The following LRCH3 variants were observed in gnomAD, a reference collection of about 807,000 sequenced individuals.
The protein encoded by LRCH3 is DISP complex protein LRCH3.
In LRCH3, 68 loss-of-function variants were observed where a neutral mutation model predicts 104.5. That is an observed-to-expected ratio of 0.65 (90% CI 0.54 to 0.80). The LOEUF (loss-of-function observed/expected upper bound fraction) is 0.80. LRCH3 is among the 30% of genes least tolerant of loss of function. The pLI is 0.00. For missense variants in LRCH3, 951 were observed against 953.9 expected, an observed-to-expected ratio of 1.00 and a Z score of 0.04; for synonymous variants, 344 against 361.3, an observed-to-expected ratio of 0.95 and a Z score of 0.54.
At chr3:197,853,572 C>T (rs547873636) in intron 13 of LRCH3, among the ~76,000 whole-genome samples, 22 of 152,274 alleles carry the variant, frequency 1.4e-4, no homozygotes, top group African/African-American at 4.3e-4. Context: ...CTTTGCTTTT[C>T]ATAAAATAAG....
chr3:197,818,207 C>T (rs1361786730), intron 3 of LRCH3, among the ~76,000 whole-genome samples: 2 of 152,152 alleles, frequency 1.3e-5, no homozygotes, highest in Non-Finnish European at 2.9e-5. Flanking sequence ...ATGGGAATAA[C>T]AATTTTCTCA....
In LRCH3 at chr3:197,811,139, G is replaced by A. The variant is rs546732671; in HGVS notation, c.263-3769G>A. Among the ~76,000 whole-genome samples, 16 of 152,256 alleles carry A rather than the reference G, an allele frequency of 1.1e-4. No individual in the cohort carries two copies. The East Asian group carries it at 1.5e-3, about 15-fold the overall frequency. On this transcript the variant is annotated intron_variant, in intron 1 of 20. Coordinates refer to ENST00000425562, the MANE Select transcript of LRCH3 (RefSeq NM_001365715.1). ...CGGGGTCTTCAGTGACTGCGCTGCC[G>A]TCTATGTTCTTGGTGTTTAAACTTT...
At chr3:197,827,936 G>A (rs189323643) in intron 5 of LRCH3, among the ~76,000 whole-genome samples, 4 of 152,018 alleles carry the variant, frequency 2.6e-5, no homozygotes, top group African/African-American at 4.8e-5. Flanking sequence ...AATTAGCCGG[G>A]TGCGGTGGTG....
intron 10 of LRCH3, among the ~76,000 whole-genome samples, chr3:197,843,630 G>A (rs1738153860): frequency 6.6e-6 from 1 of 152,170 alleles, no homozygotes; most frequent in Admixed American, 6.5e-5. Flanking sequence ...GCTGCAGTGA[G>A]CTGAGATTGT....
intron 1 of LRCH3, among the ~76,000 whole-genome samples, chr3:197,803,452 C>G (rs754221278): frequency 1.3e-5 from 2 of 152,146 alleles, no homozygotes; most frequent in Non-Finnish European, 2.9e-5. Context: ...AACAAGCACC[C>G]TGATGGTACT....
chr3:197,880,200 C>G (rs930233151), intron 20 of LRCH3, among the ~76,000 whole-genome samples: 1 of 152,092 alleles, frequency 6.6e-6, no homozygotes, highest in Non-Finnish European at 1.5e-5. Context: ...CCGCCTCGGC[C>G]TCCCAAAGTG....
At chr3:197,849,219 G>A (rs1356946086) in intron 12 of LRCH3, among the ~76,000 whole-genome samples, 3 of 136,052 alleles carry the variant, frequency 2.2e-5, no homozygotes, top group Admixed American at 8.4e-5. Flanking sequence ...AGCTGAGATC[G>A]TACCACTGCA....
At chr3:197,860,971 C>CTT (rs5855654) in intron 15 of LRCH3, among the ~76,000 whole-genome samples, 82 of 137,388 alleles carry the variant, frequency 6.0e-4, no homozygotes, top group African/African-American at 1.0e-3. Context: ...CTGACCCCAA[C>CTT]TTTTTTTTTT....
At chr3:197,835,924 T>C in intron 9 of LRCH3, 102 bp downstream of exon 9, 1 of 1,271,274 alleles carries the variant, frequency 7.9e-7, no homozygotes, top group Non-Finnish European at 1.1e-6. Flanking sequence ...GACTGAAGCC[T>C]AATTGTTTTC....
chr3:197,824,432 TG>T (rs1734881668), intron 4 of LRCH3, among the ~76,000 whole-genome samples: 1 of 150,362 alleles, frequency 6.7e-6, no homozygotes, highest in Non-Finnish European at 1.5e-5. Flanking sequence ...TGTGTGTCTA[TG>T]GCTAATTCCA....
chr3:197,849,862 G>T (rs535860696), intron 12 of LRCH3, among the ~76,000 whole-genome samples: 8 of 152,220 alleles, frequency 5.3e-5, no homozygotes, highest in African/African-American at 1.9e-4. Context: ...TACAAGCCCT[G>T]CCCACCAGGC....
At chr3:197,848,952 C>T (rs1295821940) in intron 12 of LRCH3, among the ~76,000 whole-genome samples, 3 of 152,154 alleles carry the variant, frequency 2.0e-5, no homozygotes, top group Admixed American at 6.6e-5. Context: ...TCCCTTGTCT[C>T]TTGTTTTCTA....
At chr3:197,882,198 G>C in intron 20 of LRCH3, 1 of 985,408 alleles carries the variant, frequency 1.0e-6, no homozygotes, top group Non-Finnish European at 1.2e-6. Context: ...TGTGAACACC[G>C]GCCGCGCAGG....
rs1163254628 is a variant in LRCH3, at chr3:197,886,387, A to G, written c.*2721A>G. ...ACATCTAACTTCAATGCCCAATCTT[A>G]TAGAACAAAAGTAAAATGTCTTTAT... On this transcript the variant is annotated 3_prime_UTR_variant, in exon 21 of 21. Coordinates refer to ENST00000425562, the MANE Select transcript of LRCH3 (RefSeq NM_001365715.1). The G allele has an allele frequency of 6.6e-6, 1 of 151,992 alleles. No individual in the cohort carries two copies. The highest frequency in any genetic ancestry group is 1.9e-4 in the East Asian group (1 of 5,184). The allele number at this position is 151,992 out of a possible 1,614,324, so 9.4% of individuals were successfully genotyped here.
At chr3:197,808,302 A>T (rs1732724142) in intron 1 of LRCH3, among the ~76,000 whole-genome samples, 1 of 152,234 alleles carries the variant, frequency 6.6e-6, no homozygotes, top group South Asian at 2.1e-4. Context: ...TAACACCTTC[A>T]TCTCAGACTT....
chr3:197,871,537 G>A, intron 19 of LRCH3, 75 bp downstream of exon 19: 1 of 1,582,346 alleles, frequency 6.3e-7, no homozygotes, highest in Non-Finnish European at 8.6e-7. Context: ...CATTTCTTAA[G>A]CATTGTGCTA....
intron 1 of LRCH3, among the ~76,000 whole-genome samples, chr3:197,800,372 C>T (rs1354529276): frequency 1.3e-5 from 2 of 152,128 alleles, no homozygotes; most frequent in Admixed American, 6.5e-5. Flanking sequence ...ACTGAGAAAA[C>T]ACTTGAACTA....
At chr3:197,881,195 C>CG (rs1346687170) in intron 20 of LRCH3, 1 of 1,004,972 alleles carries the variant, frequency 1.0e-6, no homozygotes, top group Admixed American at 5.2e-5. Context: ...TGGCCGCACC[C>CG]GGTTACTTAG....
At chr3:197,844,845 C>T (rs1202008336) in intron 10 of LRCH3, among the ~76,000 whole-genome samples, 1 of 151,970 alleles carries the variant, frequency 6.6e-6, no homozygotes, top group Admixed American at 6.6e-5. Context: ...GGCCTCTTAT[C>T]TCCTGACTTT....
Sources: allele counts gnomAD v4.1 joint callset (sites outside exome capture counted in the v4.1 genomes callset), GRCh38; gene constraint gnomAD v4.1.1; transcripts MANE v1.5; gene names NCBI Gene and HGNC (gene_info 2026-07-23, HGNC 2026-07-21).